The following TNKS variants were observed in gnomAD, a reference collection of about 807,000 sequenced individuals.
The protein encoded by TNKS is poly [ADP-ribose] polymerase tankyrase-1.
TNKS carries 72 observed loss-of-function variants against 135.8 expected under a neutral mutation model. The observed-to-expected ratio is 0.53, with a 90% confidence interval of 0.44 to 0.64. TNKS has a LOEUF of 0.64. TNKS is among the 30% of genes least tolerant of loss of function. The pLI, the probability that TNKS is intolerant of heterozygous loss-of-function variation, is 0.00. For missense variants in TNKS, 1,769 were observed against 1,674.0 expected (o/e 1.06, Z -0.99); for synonymous variants, 849 against 649.3 (o/e 1.31, Z -4.68).
intron 11 of TNKS, among the ~76,000 whole-genome samples, chr8:9,716,371 A>G (rs1407353711): frequency 2.6e-5 from 4 of 152,168 alleles, no homozygotes; most frequent in Admixed American, 6.6e-5. Flanking sequence ...CAGTGTAAAT[A>G]ATATCTGAGG....
At chr8:9,620,323 T>C (rs1203696515) in intron 3 of TNKS, among the ~76,000 whole-genome samples, 1 of 152,166 alleles carries the variant, frequency 6.6e-6, no homozygotes, top group Non-Finnish European at 1.5e-5. Context: ...AAATTCCCAA[T>C]CTGACCGTTT....
intron 1 of TNKS, among the ~76,000 whole-genome samples, chr8:9,577,758 C>G (rs1261253523): frequency 2.0e-5 from 3 of 152,148 alleles, no homozygotes; most frequent in African/African-American, 7.2e-5. Flanking sequence ...TCCCAAATCT[C>G]ATATCCTTCT....
chr8:9,649,890 T>C (rs1310236193), intron 3 of TNKS, among the ~76,000 whole-genome samples: 32 of 96,940 alleles, frequency 3.3e-4, no homozygotes, highest in East Asian at 2.2e-3. Context: ...TTTTTTTTTT[T>C]TTTTTTTTTT....
At chr8:9,755,561 A>C (rs185195732) in intron 20 of TNKS, among the ~76,000 whole-genome samples, 1 of 152,210 alleles carries the variant, frequency 6.6e-6, no homozygotes, top group Non-Finnish European at 1.5e-5. Context: ...TTATAAATAA[A>C]TTTGATAACC....
intron 3 of TNKS, among the ~76,000 whole-genome samples, chr8:9,616,357 G>T (rs1011441199): frequency 2.6e-5 from 4 of 152,106 alleles, no homozygotes; most frequent in African/African-American, 9.7e-5. Flanking sequence ...TTCTCAAAAT[G>T]CTGCATTGGA....
chr8:9,620,538 A>G (rs1379056192), intron 3 of TNKS, among the ~76,000 whole-genome samples: 2 of 152,230 alleles, frequency 1.3e-5, no homozygotes, highest in Admixed American at 6.5e-5. Flanking sequence ...AATAAAATTC[A>G]GATTCTTTAA....
At chr8:9,560,533 C>A (rs1191198340) in intron 1 of TNKS, among the ~76,000 whole-genome samples, 1 of 80,930 alleles carries the variant, frequency 1.2e-5, no homozygotes, top group Middle Eastern at 9.4e-3. Context: ...TCATTTCTCG[C>A]CTTTGTACAA....
rs1439357899 is a variant in TNKS at position 9,556,506 on chromosome 8, C to G, written c.567C>G (p.Ala189=). Residue 189 remains alanine, a synonymous_variant, in exon 1 of 27, where the codon GCC becomes GCG. Coordinates refer to ENST00000310430, the MANE Select transcript of TNKS (RefSeq NM_003747.3). ...VSGALRELLE[A]CRNGDVSRVK... ...GGGCCCTACGGGAACTGCTGGAGGC[C>G]TGTCGCAATGGGGACGTGTCCCGGG... 1.9e-6 allele frequency: 3 copies of G among 1,614,172 alleles called. No homozygotes were observed. Among genetic ancestry groups the G allele is most frequent in the Non-Finnish European group, 2.5e-6 (3 of 1,180,028 alleles).
chr8:9,607,834 T>C (rs1395895562), intron 2 of TNKS, among the ~76,000 whole-genome samples: 2 of 152,220 alleles, frequency 1.3e-5, no homozygotes, highest in African/African-American at 2.4e-5. Flanking sequence ...TTTACTGCTT[T>C]GTCAGGGGCA....
At chr8:9,697,303 A>G (rs1006956866) in intron 5 of TNKS, among the ~76,000 whole-genome samples, 1 of 152,210 alleles carries the variant, frequency 6.6e-6, no homozygotes, top group South Asian at 2.1e-4. Flanking sequence ...AGTTAACTCA[A>G]TATGGATTAA....
At chr8:9,630,156 T>G (rs557346524) in intron 3 of TNKS, among the ~76,000 whole-genome samples, 7 of 152,324 alleles carry the variant, frequency 4.6e-5, no homozygotes, top group African/African-American at 1.7e-4. Context: ...ATTCATGGCC[T>G]GATTCCCACC....
intron 3 of TNKS, among the ~76,000 whole-genome samples, chr8:9,668,733 A>G (rs1355697939): frequency 6.6e-6 from 1 of 152,232 alleles, no homozygotes; most frequent in Non-Finnish European, 1.5e-5. Context: ...GATCATTGTC[A>G]ACATGAGCAA....
At chr8:9,587,693 C>T (rs1462383191) in intron 2 of TNKS, among the ~76,000 whole-genome samples, 2 of 152,234 alleles carry the variant, frequency 1.3e-5, no homozygotes, top group East Asian at 3.9e-4. Context: ...TGAGCCACTG[C>T]GCCTGGCCGA....
chr8:9,658,233 C>G (rs563377626), intron 3 of TNKS: 1 of 331,776 alleles, frequency 3.0e-6, no homozygotes, highest in South Asian at 7.5e-5. Flanking sequence ...ACTTCCCAGA[C>G]GGGGTGGCAG....
chr8:9,649,756 G>T (rs561095851), intron 3 of TNKS, among the ~76,000 whole-genome samples: 1 of 151,702 alleles, frequency 6.6e-6, no homozygotes, highest in Non-Finnish European at 1.5e-5. Context: ...ACTTCACTTA[G>T]AATAATGGTC....
At chr8:9,634,750 CCTG>C (rs1283778910) in intron 3 of TNKS, among the ~76,000 whole-genome samples, 1 of 152,066 alleles carries the variant, frequency 6.6e-6, no homozygotes, top group Non-Finnish European at 1.5e-5. Flanking sequence ...GTGGAGCACA[CCTG>C]CTTCCAAGAG....
chr8:9,752,914 G>C (rs936804036), intron 20 of TNKS, among the ~76,000 whole-genome samples: 2 of 150,656 alleles, frequency 1.3e-5, no homozygotes, highest in Non-Finnish European at 2.9e-5. Flanking sequence ...GCAGTGAGCT[G>C]TGATTGTGCC....
At chr8:9,623,667 T>A (rs1799949938) in intron 3 of TNKS, among the ~76,000 whole-genome samples, 1 of 152,098 alleles carries the variant, frequency 6.6e-6, no homozygotes, top group Non-Finnish European at 1.5e-5. Context: ...CAAAGTGCAA[T>A]AAAATGAGGT....
chr8:9,700,910 G>A (rs1242187056), intron 5 of TNKS, among the ~76,000 whole-genome samples: 1 of 148,326 alleles, frequency 6.7e-6, no homozygotes, highest in Middle Eastern at 3.2e-3. Context: ...CTGAAAACTA[G>A]TTAAATTTTT....
Sources: gnomAD v4.1 joint callset for allele counts (sites outside exome capture counted in the v4.1 genomes callset) on GRCh38, gnomAD v4.1.1 for gene constraint, MANE v1.5 for transcripts, NCBI Gene and HGNC (gene_info 2026-07-23, HGNC 2026-07-21) for gene names.